The following TUSC3 variants were observed in gnomAD, a reference collection of about 807,000 sequenced individuals.
TUSC3 encodes dolichyl-diphosphooligosaccharide--protein glycosyltransferase subunit TUSC3.
TUSC3 carries 45 observed loss-of-function variants against 44.8 expected under a neutral mutation model. That is an observed-to-expected ratio of 1.00 (90% CI 0.79 to 1.29). The LOEUF (loss-of-function observed/expected upper bound fraction) is 1.29, where lower values mean the gene tolerates loss of function less well. Ranked by LOEUF, TUSC3 falls within the 50% of genes most tolerant of loss-of-function variation. The pLI is 0.00. For synonymous variants in TUSC3, 212 were observed against 152.9 expected, an observed-to-expected ratio of 1.39 and a Z score of -2.85; for missense variants, 519 against 437.9, an observed-to-expected ratio of 1.19 and a Z score of -1.65.
the TUSC3 span, among the ~76,000 whole-genome samples, chr8:15,782,318 ATTT>A: frequency 6.6e-6 from 1 of 151,568 alleles, no homozygotes; most frequent in Non-Finnish European, 1.5e-5. Flanking sequence ...ACAAAAAAAA[ATTT>A]TTTTTTAAGT....
intron 2 of TUSC3, among the ~76,000 whole-genome samples, chr8:15,502,992 C>T (rs985104315): frequency 6.6e-5 from 10 of 152,082 alleles, no homozygotes; most frequent in Non-Finnish European, 1.3e-4. Context: ...ATTTTACTTA[C>T]AGGGTTAGAG....
intron 7 of TUSC3, among the ~76,000 whole-genome samples, chr8:15,739,137 TTTG>T (rs1811070007): frequency 1.3e-5 from 2 of 148,746 alleles, no homozygotes; most frequent in Admixed American, 1.3e-4. Flanking sequence ...GGCCTCTTGC[TTTG>T]TTATTAAGAA....
In TUSC3 at chr8:15,448,117, A is replaced by ATATATATATATATATATATT. The variant is rs1276079521; in HGVS notation, n.91+30815_91+30816insATATATATATATATATTTAT. ...TATGGTAGTGTATATACATATATAT[A>ATATATATATATATATATATT]TATTTATTTATTTATTTTTTAGATG... On this transcript the variant is annotated intron_variant and non_coding_transcript_variant, in intron 1 of 5. Coordinates refer to the TUSC3 transcript ENST00000503191. Among the ~76,000 whole-genome samples, 336 of 93,652 alleles carry ATATATATATATATATATATT rather than the reference A, an allele frequency of 3.6e-3. 23 individuals are homozygous for ATATATATATATATATATATT. Among genetic ancestry groups the ATATATATATATATATATATT allele is most frequent in the African/African-American group, 0.013 (318 of 23,972 alleles). The allele number at this position is 93,652 out of a possible 152,430, so 61.4% of individuals were successfully genotyped here. A position where few individuals can be genotyped will look rare whatever the true frequency, so the allele number is the denominator to read the frequency against.
intron 2 of TUSC3, among the ~76,000 whole-genome samples, chr8:15,494,292 A>C (rs1800849187): frequency 6.7e-6 from 1 of 150,114 alleles, no homozygotes; most frequent in Non-Finnish European, 1.5e-5. Context: ...CAGGCCCCTG[A>C]ATCTCCATAG....
At chr8:15,780,868 G>C in the TUSC3 span, among the ~76,000 whole-genome samples, 5 of 152,190 alleles carry the variant, frequency 3.3e-5, no homozygotes, top group African/African-American at 7.2e-5. Flanking sequence ...AAGTGAGAAA[G>C]TGAAAAGATA....
chr8:15,703,971 C>T (rs142611955), intron 6 of TUSC3, among the ~76,000 whole-genome samples: 12 of 152,194 alleles, frequency 7.9e-5, no homozygotes, highest in East Asian at 3.9e-4. Context: ...AAATAAGTGA[C>T]GAACAAAATA....
chr8:15,512,208 G>A (rs938578714), intron 2 of TUSC3, among the ~76,000 whole-genome samples: 9 of 152,202 alleles, frequency 5.9e-5, no homozygotes, highest in African/African-American at 1.2e-4. Flanking sequence ...AGATATTTCT[G>A]TGAATGTGTT....
intron 6 of TUSC3, among the ~76,000 whole-genome samples, chr8:15,702,117 A>G (rs1809432173): frequency 6.6e-6 from 1 of 152,164 alleles, no homozygotes; most frequent in Admixed American, 6.5e-5. Flanking sequence ...AACGAAATCA[A>G]GAGAGCCTAT....
the TUSC3 span, among the ~76,000 whole-genome samples, chr8:15,836,476 CAA>C: frequency 0.14 from 18,801 of 132,720 alleles, 1,295 homozygotes; most frequent in East Asian, 0.27. Context: ...GACTCCATCT[CAA>C]AAAAAAAAAA....
At position 15,743,536 on chromosome 8, in the gene TUSC3, A is replaced by G. The variant is rs774555002; in HGVS notation, c.863-2A>G. 1.9e-6 allele frequency: 3 copies of G among 1,613,970 alleles called. No homozygotes were observed. In the Admixed American group the frequency reaches 5.0e-5, roughly 27 times the overall value. On this transcript the variant is annotated splice_acceptor_variant, in intron 7 of 10. Transcript: ENST00000503731. LOFTEE classifies it high-confidence loss of function. ...CTACGGCTTCCTTGACAACTACTGC[A>G]GATGCCGCTATCACCATGGGGATGG...
chr8:15,602,123 A>G (rs564799451), intron 1 of TUSC3, among the ~76,000 whole-genome samples: 10 of 151,740 alleles, frequency 6.6e-5, no homozygotes, highest in African/African-American at 2.4e-4. Flanking sequence ...AAGAATAAGG[A>G]TGCTCAGTCA....
chr8:15,433,867 C>T (rs1340635555), intron 1 of TUSC3, among the ~76,000 whole-genome samples: 1 of 152,008 alleles, frequency 6.6e-6, no homozygotes, highest in Non-Finnish European at 1.5e-5. Context: ...GTCATTATTA[C>T]AGAAATCAAG....
chr8:15,694,723 G>A (rs769890291), intron 6 of TUSC3, among the ~76,000 whole-genome samples: 8 of 152,092 alleles, frequency 5.3e-5, no homozygotes, highest in Non-Finnish European at 1.0e-4. Context: ...CAGGACTCCC[G>A]AGCTGCATGC....
chr8:15,802,093 G>C, the TUSC3 span, among the ~76,000 whole-genome samples: 1 of 152,178 alleles, frequency 6.6e-6, no homozygotes, highest in Non-Finnish European at 1.5e-5. Context: ...CTCTTGTTCC[G>C]TTCATGCGCC....
At chr8:15,522,327 G>C (rs745479370) in intron 2 of TUSC3, among the ~76,000 whole-genome samples, 1 of 151,994 alleles carries the variant, frequency 6.6e-6, no homozygotes, top group African/African-American at 2.4e-5. Flanking sequence ...CTGCCTCCCG[G>C]GTTCAAGCAA....
intron 7 of TUSC3, among the ~76,000 whole-genome samples, chr8:15,733,964 A>G (rs1289367885): frequency 6.6e-6 from 1 of 152,178 alleles, no homozygotes; most frequent in Non-Finnish European, 1.5e-5. Flanking sequence ...GGATCACTTG[A>G]GCCCGGGAGG....
the TUSC3 span, among the ~76,000 whole-genome samples, chr8:15,817,935 C>A: frequency 2.0e-5 from 3 of 152,088 alleles, no homozygotes; most frequent in African/African-American, 7.2e-5. Context: ...ATCCCAGAGT[C>A]AGGTCAAAAG....
At chr8:15,844,169 A>G in the TUSC3 span, among the ~76,000 whole-genome samples, 1 of 151,860 alleles carries the variant, frequency 6.6e-6, no homozygotes, top group African/African-American at 2.4e-5. Flanking sequence ...AGGGATGGCA[A>G]AAAAAATATC....
intron 2 of TUSC3, among the ~76,000 whole-genome samples, chr8:15,642,008 T>A (rs1806394587): frequency 6.6e-6 from 1 of 152,204 alleles, no homozygotes; most frequent in Non-Finnish European, 1.5e-5. Flanking sequence ...TTATATACAT[T>A]AATCGTGTGG....
Sources: allele counts gnomAD v4.1 joint callset (sites outside exome capture counted in the v4.1 genomes callset), GRCh38; gene constraint gnomAD v4.1.1; transcripts MANE v1.5; gene names NCBI Gene and HGNC (gene_info 2026-07-23, HGNC 2026-07-21).